Variants in DOP1B observed in about 807,000 individuals in gnomAD.
DOP1B encodes the protein DOP1 leucine zipper like protein B.
A neutral mutation model predicts 233.5 loss-of-function variants in DOP1B; 174 were observed. That is an observed-to-expected ratio of 0.75 (90% CI 0.66 to 0.85). The LOEUF is 0.85. Among genes scored for constraint, DOP1B ranks in the 40% least tolerant of loss-of-function variants. The pLI, the probability that DOP1B is intolerant of heterozygous loss-of-function variation, is 0.00. For synonymous variants in DOP1B, 1,190 were observed against 1,185.6 expected (o/e 1.00, Z -0.08); for missense variants, 2,652 against 2,846.6 (o/e 0.93, Z 1.56).
intron 2 of DOP1B, among the ~76,000 whole-genome samples, chr21:36,186,064 G>T (rs150423189): frequency 6.6e-6 from 1 of 152,128 alleles, no homozygotes; most frequent in Non-Finnish European, 1.5e-5. Context: ...TTAGCTGGGC[G>T]TGGTGGCGGG....
At chr21:36,221,139 G>A (rs558569749) in intron 10 of DOP1B, among the ~76,000 whole-genome samples, 6 of 151,866 alleles carry the variant, frequency 4.0e-5, no homozygotes, top group Non-Finnish European at 8.8e-5. Context: ...TGCAAGTTGT[G>A]AGTAGCTCTA....
At chr21:36,285,174 C>G (rs2146254262) in intron 32 of DOP1B, among the ~76,000 whole-genome samples, 1 of 152,202 alleles carries the variant, frequency 6.6e-6, no homozygotes, top group East Asian at 1.9e-4. Flanking sequence ...ATTCTCCTGC[C>G]TCAGCCTCTC....
chr21:36,253,792 A>G lies in DOP1B; in HGVS notation c.5142A>G (p.Ala1714=), dbSNP rs774809975. Reference sequence around the variant, plus strand: ...GGCAGATTATCCCAACGGCAAGTGCATCCCAGCTAACCCTTGTCGACTTGG... The same window carrying G: ...GGCAGATTATCCCAACGGCAAGTGCGTCCCAGCTAACCCTTGTCGACTTGG... ...SKMKIIPTAS[A]SQLTLVDLVC... The change falls in exon 23 of 37, where the codon GCA becomes GCG. Residue 1714 remains alanine, a synonymous_variant. Transcript: ENST00000691173. 1.7e-5 allele frequency: 28 copies of G among 1,613,242 alleles called. No homozygotes were observed. The East Asian group carries it at 5.8e-4, about 33-fold the overall frequency.
In DOP1B at chr21:36,235,168, A is replaced by G. The variant is rs538694859; in HGVS notation, c.2622+2093A>G. On this transcript the variant is annotated intron_variant, in intron 15 of 36. Transcript: ENST00000691173. ...GCCTGTCCCTGTTGCAGATGCTGGA[A>G]CTAGAGACACAGCAACCTTACCCAT... Among the ~76,000 whole-genome samples, 23 of 152,298 alleles carry G rather than the reference A, an allele frequency of 1.5e-4. No individual in the cohort carries two copies. In the South Asian group the frequency reaches 4.4e-3, roughly 29 times the overall value.
chr21:36,197,944 C>A (rs751478519), intron 2 of DOP1B, among the ~76,000 whole-genome samples: 2 of 147,782 alleles, frequency 1.4e-5, no homozygotes, highest in Admixed American at 1.4e-4. Flanking sequence ...CCAGGAGGTA[C>A]AGGAGGTGGA....
rs1569053745 is a variant in DOP1B, at chr21:36,253,962, G to T, written c.5259+53G>T. On this transcript the variant is annotated intron_variant, in intron 23 of 36. Coordinates refer to ENST00000691173, the MANE Select transcript of DOP1B (RefSeq NM_001320714.2). ...TTCTGCAGATTAGTGGGTGGCATTTGTCATAACTCTACTTCCTTATAAATC... is the reference window on the plus strand; with the variant it reads ...TTCTGCAGATTAGTGGGTGGCATTTTTCATAACTCTACTTCCTTATAAATC... 1.9e-6 allele frequency: 3 copies of T among 1,586,396 alleles called. No homozygotes were observed. The East Asian group carries it at 6.8e-5, about 36-fold the overall frequency.
chr21:36,271,087 T>G (rs990523473), intron 27 of DOP1B, among the ~76,000 whole-genome samples: 1 of 150,760 alleles, frequency 6.6e-6, no homozygotes, highest in Admixed American at 6.6e-5. Flanking sequence ...GTCAGTTATA[T>G]CTAATTAAAA....
At chr21:36,285,241 G>C (rs970049722) in intron 32 of DOP1B, among the ~76,000 whole-genome samples, 1 of 151,914 alleles carries the variant, frequency 6.6e-6, no homozygotes, top group African/African-American at 2.4e-5. Context: ...TGTATTTTTA[G>C]TAGAGATAGG....
intron 24 of DOP1B, 49 bp downstream of exon 24, chr21:36,260,781 T>C: frequency 6.2e-7 from 1 of 1,608,256 alleles, no homozygotes; most frequent in Non-Finnish European, 8.5e-7. Flanking sequence ...ACAGATGCTA[T>C]TGCAGTGAGC....
intron 2 of DOP1B, among the ~76,000 whole-genome samples, chr21:36,190,148 T>G (rs1297275139): frequency 2.6e-5 from 4 of 151,586 alleles, no homozygotes; most frequent in Non-Finnish European, 5.9e-5. Flanking sequence ...TGAAACCCCG[T>G]CTCTAATAAA....
chr21:36,288,840 G>C (rs751592978), intron 34 of DOP1B, 29 bp downstream of exon 34: 5 of 1,575,814 alleles, frequency 3.2e-6, no homozygotes. Flanking sequence ...GTACACAAGA[G>C]GAAAAGATAG....
chr21:36,190,797 C>T (rs995592094), intron 2 of DOP1B, among the ~76,000 whole-genome samples: 2 of 152,220 alleles, frequency 1.3e-5, no homozygotes, highest in Non-Finnish European at 2.9e-5. Context: ...GTTTGGGTTT[C>T]TGGATAGTGA....
Position 36,293,331 on chromosome 21 carries a change from C to T in DOP1B, c.6657C>T (p.Ser2219=). The T allele has an allele frequency of 6.2e-7, 1 of 1,614,014 alleles. No individual in the cohort carries two copies. Among genetic ancestry groups the T allele is most frequent in the Non-Finnish European group, 8.5e-7 (1 of 1,179,996 alleles). ...LLKLKFGEIS[S]SDEITMKSEF... is the part of the protein sequence containing the mutation. ...TGTTTTTTCTGCAGGAAATCAGTAG[C>T]TCTGATGAGATCACCATGAAGAGTG... The change falls in exon 37 of 37, where the codon AGC becomes AGT. Residue 2219 remains serine (S), a synonymous_variant. Coordinates refer to ENST00000691173, the MANE Select transcript of DOP1B (RefSeq NM_001320714.2).
In DOP1B at chr21:36,208,725, C is replaced by T; in HGVS notation, c.502C>T (p.Leu168=). 1.2e-6 allele frequency: 2 copies of T among 1,613,370 alleles called. No homozygotes were observed. Among genetic ancestry groups the T allele is most frequent in the Non-Finnish European group, 1.7e-6 (2 of 1,179,708 alleles). The change falls in exon 5 of 37, where the codon CTG becomes TTG. Residue 168 remains leucine, a synonymous_variant. Coordinates refer to ENST00000691173, the MANE Select transcript of DOP1B (RefSeq NM_001320714.2). ...CTCTCTCATCAACAGAACGGATGCT[C>T]TGCTCCTGAGACTGTCGCTGGTGGT... The part of the protein sequence containing the change: ...GSEISDRTDA[L]LLRLSLVVGK...
chr21:36,166,085 C>T (rs2065909179), intron 2 of DOP1B, among the ~76,000 whole-genome samples: 1 of 151,484 alleles, frequency 6.6e-6, no homozygotes, highest in Admixed American at 6.6e-5. Context: ...ACAGTTTCAT[C>T]CTGAAACCAA....
At chr21:36,198,766 G>A (rs566123345) in intron 2 of DOP1B, among the ~76,000 whole-genome samples, 1 of 152,354 alleles carries the variant, frequency 6.6e-6, no homozygotes, top group East Asian at 1.9e-4. Context: ...TATCTTCTGA[G>A]TGAGCCCCTA....
intron 2 of DOP1B, among the ~76,000 whole-genome samples, chr21:36,194,187 G>A (rs939008942): frequency 6.6e-6 from 1 of 152,140 alleles, no homozygotes; most frequent in African/African-American, 2.4e-5. Context: ...GAGGCTCCAT[G>A]TAGAGTGTAT....
At chr21:36,169,036 C>T in intron 2 of DOP1B, 1 of 845,956 alleles carries the variant, frequency 1.2e-6, no homozygotes, top group Non-Finnish European at 2.0e-6. Context: ...TCTTCTCCTC[C>T]ATGGTCTGGA....
intron 4 of DOP1B, among the ~76,000 whole-genome samples, chr21:36,203,389 G>A (rs1403543636): frequency 6.6e-6 from 1 of 152,114 alleles, no homozygotes; most frequent in African/African-American, 2.4e-5. Flanking sequence ...AGTCTGAGAC[G>A]GTTTGGTAAC....
Sources: allele counts gnomAD v4.1 joint callset (sites outside exome capture counted in the v4.1 genomes callset), GRCh38; gene constraint gnomAD v4.1.1; transcripts MANE v1.5; gene names NCBI Gene and HGNC (gene_info 2026-07-23, HGNC 2026-07-21).